FOXRED2: variants seen among roughly 807,000 people sequenced by gnomAD.
The protein encoded by FOXRED2 is FAD dependent oxidoreductase domain containing 2.
FOXRED2 carries 32 observed loss-of-function variants against 52.5 expected under a neutral mutation model. The observed-to-expected ratio is 0.61, with a 90% CI of 0.46 to 0.82. FOXRED2 has a LOEUF of 0.82. Among genes scored for constraint, FOXRED2 ranks in the 40% least tolerant of loss-of-function variants. The pLI is 0.00. For missense variants in FOXRED2, 848 were observed against 937.5 expected, an observed-to-expected ratio of 0.90 and a Z score of 1.25; for synonymous variants, 405 against 398.1, an observed-to-expected ratio of 1.02 and a Z score of -0.21.
In FOXRED2 at chr22:36,506,263, G is replaced by C. The variant is rs779530523; in HGVS notation, c.160C>G (p.Arg54Gly). Residue 54 changes from arginine to glycine, a missense_variant, in exon 2 of 9, where the codon CGC becomes GGC. Coordinates refer to ENST00000397224, the MANE Select transcript of FOXRED2 (RefSeq NM_001102371.2). Reference protein sequence around the residue: ...QMAYFLQRAGRDYAVFERAPR... With the variant: ...QMAYFLQRAGGDYAVFERAPR... ...GCCCGCTCGAACACTGCGTAGTCGC[G>C]TCCAGCGCGCTGCAGGAAGTAGGCC... The C allele has an allele frequency of 6.2e-7, 1 of 1,608,710 alleles. No individual in the cohort carries two copies. Among genetic ancestry groups the C allele is most frequent in the East Asian group, 2.2e-5 (1 of 44,772 alleles).
intron 4 of FOXRED2, 115 bp from the exon 5 acceptor site, chr22:36,501,522 G>A (rs929002840): frequency 2.5e-5 from 25 of 1,005,818 alleles, no homozygotes; most frequent in Admixed American, 1.3e-4. Context: ...GTACAATGGC[G>A]TGATCTCGGC....
At position 36,488,534 on chromosome 22, in the gene FOXRED2, A is replaced by G. The variant is rs1199305371; in HGVS notation, c.*1474T>C. 6.6e-6 allele frequency: 1 copy of G among 151,032 alleles called. No homozygotes were observed. Among genetic ancestry groups the G allele is most frequent in the Non-Finnish European group, 1.5e-5 (1 of 67,780 alleles). 9.4% of individuals were successfully genotyped at this position (151,032 alleles called of 1,614,324 possible). The stretch of plus-strand genomic sequence containing the variant: ...TTTGGCCTCCCAAAGTGCTGGGATT[A>G]CAGGTGTAAGCAACTGTACCCAGCG... On this transcript the variant is annotated 3_prime_UTR_variant, in exon 9 of 9. Transcript: ENST00000397224.
In FOXRED2 at chr22:36,497,879, C is replaced by A. The variant is rs544173248; in HGVS notation, c.1382+112G>T. 13 of 1,200,278 alleles carry A rather than the reference C, an allele frequency of 1.1e-5. No individual in the cohort carries two copies. The East Asian group carries it at 2.8e-4, about 26-fold the overall frequency. 74.4% of individuals were successfully genotyped at this position (1,200,278 alleles called of 1,614,324 possible). On this transcript the variant is annotated intron_variant, in intron 6 of 8. Transcript: ENST00000397224. ...GAACAGGCATGTTCCCCACAGCAGC[C>A]TTCATCTTAGGAAAGAACTGGGCAC...
At position 36,504,146 on chromosome 22, in the gene FOXRED2, C is replaced by T. The variant is rs760554934; in HGVS notation, c.1001G>A (p.Arg334Gln). The change falls in exon 4 of 9, where the codon CGG (arginine) becomes CAG (glutamine). Residue 334 changes from arginine to glutamine, a missense_variant. Physicochemically the swap from Arg to Gln is conservative, Grantham distance 43. Coordinates refer to ENST00000397224, the MANE Select transcript of FOXRED2 (RefSeq NM_001102371.2). ...GTTCCAGCCCAGGCAGCGGATTACC[C>T]GGTCATAGGGCACGCGCATGGCAAA... ...DNFAMRVPYDRVIRCLGWNFD... is the reference protein window; with the variant it reads ...DNFAMRVPYDQVIRCLGWNFD... The T allele has an allele frequency of 7.4e-6, 12 of 1,614,212 alleles. No homozygotes were observed. Among genetic ancestry groups the T allele is most frequent in the East Asian group, 2.2e-5 (1 of 44,888 alleles).
Position 36,505,924 on chromosome 22 carries a change from C to T in FOXRED2, c.499G>A (p.Asp167Asn), listed in dbSNP as rs1416429230. ...CACTGATGCACCTGGCCCTTCTGGT[C>T]AGTTAGGATGAAGTAGTGGCCATTC... ...AWNGHYFILT[D>N]QKGQVHQCSV... The change falls in exon 2 of 9, where the codon GAC becomes AAC. Residue 167 changes from aspartate to asparagine, a missense_variant. Transcript: ENST00000397224. 6.2e-7 allele frequency: 1 copy of T among 1,613,604 alleles called. No homozygotes were observed. The highest frequency in any genetic ancestry group is 8.5e-7 in the Non-Finnish European group (1 of 1,179,634).
intron 8 of FOXRED2, among the ~76,000 whole-genome samples, chr22:36,490,882 C>T (rs139931502): frequency 6.6e-6 from 1 of 152,178 alleles, no homozygotes; most frequent in Non-Finnish European, 1.5e-5. Flanking sequence ...AACGGCCGGG[C>T]GTGGTGGCTC....
At chr22:36,506,648 T>G in intron 1 of FOXRED2, 5 of 455,348 alleles carry the variant, frequency 1.1e-5, no homozygotes, top group East Asian at 3.3e-5. Flanking sequence ...CAGGGTCTCC[T>G]TCCTCAGGGG....
In FOXRED2 at chr22:36,489,216, G is replaced by A. The variant is rs146836520; in HGVS notation, c.*792C>T. The A allele has an allele frequency of 6.6e-6, 1 of 152,214 alleles. No homozygotes were observed. Among genetic ancestry groups the A allele is most frequent in the Non-Finnish European group, 1.5e-5 (1 of 68,128 alleles). 9.4% of individuals were successfully genotyped at this position (152,214 alleles called of 1,614,324 possible). ...CAGGGAGACAGAAGGGAGTAGGATG[G>A]GAGAGAAGAGCCAGCTGGAAGATGA... On this transcript the variant is annotated 3_prime_UTR_variant, in exon 9 of 9. Coordinates refer to ENST00000397224, the MANE Select transcript of FOXRED2 (RefSeq NM_001102371.2).
rs749652676 is a variant in FOXRED2 at position 36,490,242 on chromosome 22, C to T, written c.1821G>A (p.Thr607=). Residue 607 remains threonine (T), a synonymous_variant, in exon 9 of 9, where the codon ACG becomes ACA. Transcript: ENST00000397224. ...GGCAAAAGGGTGGCAACTTCTGGCG[C>T]GTGAGGGCGAACAGGAAGCAGGACT... ...YAESCFLFAL[T]RQKLPPFCQQ... The T allele has an allele frequency of 2.4e-5, 38 of 1,611,324 alleles. No individual in the cohort carries two copies. Among genetic ancestry groups the T allele is most frequent in the South Asian group, 5.5e-5 (5 of 90,894 alleles).
intron 6 of FOXRED2, among the ~76,000 whole-genome samples, chr22:36,496,830 C>T (rs1933912834): frequency 6.6e-6 from 1 of 152,172 alleles, no homozygotes; most frequent in Admixed American, 6.5e-5. Context: ...GGTTGGGCTC[C>T]AGACATCATC....
rs137960935 is a variant in FOXRED2, at chr22:36,489,648, C to T, written c.*360G>A. 524 of 206,566 alleles carry T rather than the reference C, an allele frequency of 2.5e-3. 2 individuals are homozygous for T. The highest frequency in any genetic ancestry group is 4.4e-3 in the Non-Finnish European group (461 of 103,682). 12.8% of individuals were successfully genotyped at this position (206,566 alleles called of 1,614,324 possible). ...TTTCCCCTGTGAAGCACTCCACAGG[C>T]GGGATGCAGGCCCATCTGAGGAGGG... On this transcript the variant is annotated 3_prime_UTR_variant, in exon 9 of 9. Transcript: ENST00000397224.
chr22:36,504,649 A>G lies in FOXRED2; in HGVS notation c.645T>C (p.Asn215=). Residue 215 remains asparagine, a synonymous_variant, in exon 3 of 9, where the codon AAT becomes AAC. Coordinates refer to ENST00000397224, the MANE Select transcript of FOXRED2 (RefSeq NM_001102371.2). ...AGTTCCCACGACCCAGGATCAGCACATTCTGGCCTACAAAGTCCTCAGGGT... is the reference window on the plus strand; with the variant it reads ...AGTTCCCACGACCCAGGATCAGCACGTTCTGGCCTACAAAGTCCTCAGGGT... The part of the protein sequence containing the change: ...SVDPEDFVGQ[N]VLILGRGNSA... 6.2e-7 allele frequency: 1 copy of G among 1,614,188 alleles called. No homozygotes were observed. Among genetic ancestry groups the G allele is most frequent in the Non-Finnish European group, 8.5e-7 (1 of 1,180,036 alleles).
In FOXRED2 at chr22:36,498,025, A is replaced by G; in HGVS notation, c.1348T>C (p.Phe450Leu). Residue 450 changes from phenylalanine to leucine, a missense_variant, in exon 6 of 9, where the codon TTC becomes CTC. Coordinates refer to ENST00000397224, the MANE Select transcript of FOXRED2 (RefSeq NM_001102371.2). The stretch of plus-strand genomic sequence containing the variant: ...AGGATGACATCGGCCAGCACACCGA[A>G]CATCTGGTAGAGCCCAGAAGCCTCA... ...VNEASGLYQM[F>L]GVLADVILLK... 6.2e-7 allele frequency: 1 copy of G among 1,614,136 alleles called. No individual in the cohort carries two copies. Among genetic ancestry groups the G allele is most frequent in the Non-Finnish European group, 8.5e-7 (1 of 1,180,032 alleles).
At chr22:36,501,517 A>C in intron 4 of FOXRED2, 110 bp from the exon 5 acceptor site, 2 of 1,076,992 alleles carry the variant, frequency 1.9e-6, no homozygotes, top group Non-Finnish European at 2.7e-6. Flanking sequence ...TTAGAGTACA[A>C]TGGCGTGATC....
At position 36,496,124 on chromosome 22, in the gene FOXRED2, C is replaced by A; in HGVS notation, c.1467G>T (p.Lys489Asn). ...CCATGTTGATGACGAAGAGCCCGTGCTTTGCCTTCCTCCCTGTGAGTGTCT... is the reference window on the plus strand; with the variant it reads ...CCATGTTGATGACGAAGAGCCCGTGATTTGCCTTCCTCCCTGTGAGTGTCT... ...QLETLTGRKA[K>N]HGLFVINMEY... is the part of the protein sequence containing the mutation. Residue 489 changes from lysine (K) to asparagine (N), a missense_variant, in exon 7 of 9, where the codon AAG becomes AAT. Physicochemically the swap from Lys to Asn is moderately conservative, Grantham distance 94. Transcript: ENST00000397224. 6.2e-7 allele frequency: 1 copy of A among 1,614,196 alleles called. No homozygotes were observed. Among genetic ancestry groups the A allele is most frequent in the Non-Finnish European group, 8.5e-7 (1 of 1,180,044 alleles).
In FOXRED2 at chr22:36,490,074, T is replaced by C; in HGVS notation, c.1989A>G (p.Pro663=). Residue 663 remains proline (P), a synonymous_variant, in exon 9 of 9, where the codon CCA becomes CCG. Coordinates refer to ENST00000397224, the MANE Select transcript of FOXRED2 (RefSeq NM_001102371.2). ...GCCCTGGAGCCAGGGGGGAACCTAG[T>C]GGCTCTTGGTCGCCAAGCTGCTGGC... ...DSSQQLGDQE[P]LGSPLAPGPL... is the part of the protein sequence containing the mutation. 6.2e-7 allele frequency: 1 copy of C among 1,613,474 alleles called. No homozygotes were observed. The highest frequency in any genetic ancestry group is 8.5e-7 in the Non-Finnish European group (1 of 1,179,570).
At chr22:36,498,674 C>T (rs1351344300) in intron 5 of FOXRED2, among the ~76,000 whole-genome samples, 1 of 152,156 alleles carries the variant, frequency 6.6e-6, no homozygotes, top group Non-Finnish European at 1.5e-5. Context: ...CTTTCACAGC[C>T]TAAATCCATC....
rs1309090347 is a variant in FOXRED2, at chr22:36,504,162, G to A, written c.985C>T (p.Arg329Cys). 2.2e-5 allele frequency: 35 copies of A among 1,614,234 alleles called. No individual in the cohort carries two copies. Among genetic ancestry groups the A allele is most frequent in the Non-Finnish European group, 2.9e-5 (34 of 1,180,032 alleles). The change falls in exon 4 of 9, where the codon CGC becomes TGC. Residue 329 changes from arginine to cysteine, a missense_variant. By Grantham distance (180) the Arg-to-Cys change is radical. Coordinates refer to ENST00000397224, the MANE Select transcript of FOXRED2 (RefSeq NM_001102371.2). The stretch of plus-strand genomic sequence containing the variant: ...CGGATTACCCGGTCATAGGGCACGC[G>A]CATGGCAAAGTTGTCATTGTCGTCC... ...PQDDNDNFAM[R>C]VPYDRVIRCL...
In FOXRED2 at chr22:36,495,849, C is replaced by T. The variant is rs543472060; in HGVS notation, c.1624+118G>A. The T allele has an allele frequency of 5.8e-5, 68 of 1,174,214 alleles. 1 individual carries two copies. The highest frequency in any genetic ancestry group is 1.2e-4 in the Admixed American group (6 of 51,178). 72.7% of individuals were successfully genotyped at this position (1,174,214 alleles called of 1,614,324 possible). ...CCCAAGTGGTCTCTAGGCAGAGTCC[C>T]GCAGCCATCCCACCTGTCAGCTGAG... On this transcript the variant is annotated intron_variant, in intron 7 of 8. Coordinates refer to ENST00000397224, the MANE Select transcript of FOXRED2 (RefSeq NM_001102371.2).
Sources: allele counts gnomAD v4.1 joint callset (sites outside exome capture counted in the v4.1 genomes callset), GRCh38; gene constraint gnomAD v4.1.1; transcripts MANE v1.5; gene names NCBI Gene and HGNC (gene_info 2026-07-23, HGNC 2026-07-21).